RSF1: variants seen among roughly 807,000 people sequenced by gnomAD.
The protein encoded by RSF1 is remodeling and spacing factor 1, also known as HBV pX-associated protein 8.
In RSF1, 13 loss-of-function variants were observed where a neutral mutation model predicts 145.2. That is an observed-to-expected ratio of 0.09 (90% CI 0.06 to 0.14). RSF1 has a LOEUF of 0.14. Ranked by LOEUF, RSF1 falls within the 10% of genes least tolerant of loss-of-function variation. The pLI is 1.00. For synonymous variants in RSF1, 577 were observed against 592.6 expected (o/e 0.97, Z 0.38); for missense variants, 1,517 against 1,718.2 (o/e 0.88, Z 2.07).
chr11:77,698,823 C>T, intron 6 of RSF1, 130 bp from the exon 7 acceptor site: 1 of 716,018 alleles, frequency 1.4e-6, no homozygotes, highest in Non-Finnish European at 2.3e-6. Context: ...TTATTATAGT[C>T]TCATCATCAG....
intron 4 of RSF1, among the ~76,000 whole-genome samples, chr11:77,731,586 C>T (rs1015986858): frequency 2.0e-5 from 3 of 152,208 alleles, no homozygotes; most frequent in Admixed American, 6.5e-5. Context: ...GGCCTGGAGG[C>T]CTAGGAGGAA....
At chr11:77,708,912 C>T (rs1960614926) in intron 5 of RSF1, among the ~76,000 whole-genome samples, 1 of 152,120 alleles carries the variant, frequency 6.6e-6, no homozygotes, top group Admixed American at 6.5e-5. Context: ...GCTTCCCAAG[C>T]CATGAAGTCT....
the RSF1 span, among the ~76,000 whole-genome samples, chr11:77,852,437 T>C: frequency 6.6e-6 from 1 of 152,054 alleles, no homozygotes; most frequent in African/African-American, 2.4e-5. Flanking sequence ...GATTCAGAAT[T>C]CAAACTTCAA....
At chr11:77,831,140 GTC>G in the RSF1 span, among the ~76,000 whole-genome samples, 1 of 152,094 alleles carries the variant, frequency 6.6e-6, no homozygotes, top group East Asian at 1.9e-4. Context: ...GCAAGACCCT[GTC>G]TCAGAAAAAA....
chr11:77,788,754 C>A (rs1362664844), intron 1 of RSF1, among the ~76,000 whole-genome samples: 2 of 152,072 alleles, frequency 1.3e-5, no homozygotes, highest in East Asian at 1.9e-4. Context: ...AGTCTTAAAT[C>A]TATGACCAAA....
intron 1 of RSF1, among the ~76,000 whole-genome samples, chr11:77,808,468 C>T (rs1214276186): frequency 1.3e-5 from 2 of 150,390 alleles, no homozygotes; most frequent in African/African-American, 2.4e-5. Context: ...TTCAACTGTA[C>T]GTATGACTTG....
chr11:77,862,761 G>A, the RSF1 span, among the ~76,000 whole-genome samples: 1 of 152,278 alleles, frequency 6.6e-6, no homozygotes, highest in East Asian at 1.9e-4. Context: ...AAGAGGTCTA[G>A]GTGTAAGATG....
intron 1 of RSF1, among the ~76,000 whole-genome samples, chr11:77,778,352 C>A (rs1948369915): frequency 6.6e-6 from 1 of 151,804 alleles, no homozygotes; most frequent in South Asian, 2.1e-4. Flanking sequence ...GACTGGGTCC[C>A]TTGAAAACTC....
intron 6 of RSF1, among the ~76,000 whole-genome samples, chr11:77,700,186 A>G (rs1435736756): frequency 6.6e-6 from 1 of 151,898 alleles, no homozygotes; most frequent in Non-Finnish European, 1.5e-5. Flanking sequence ...ACCCACCTCT[A>G]TTAAAAATAC....
At chr11:77,703,507 A>G (rs1269234446) in intron 5 of RSF1, 2 of 152,220 alleles carry the variant, frequency 1.3e-5, no homozygotes, top group Admixed American at 6.5e-5. Context: ...AAATTTTGAA[A>G]TGATTCTCGT....
intron 5 of RSF1, among the ~76,000 whole-genome samples, chr11:77,705,870 A>C (rs370382827): frequency 1.3e-5 from 2 of 152,140 alleles, no homozygotes; most frequent in Non-Finnish European, 1.5e-5. Flanking sequence ...AACCAAAAAA[A>C]CAAAAAAACC....
At chr11:77,755,935 T>C (rs1948111429) in intron 2 of RSF1, among the ~76,000 whole-genome samples, 1 of 152,092 alleles carries the variant, frequency 6.6e-6, no homozygotes, top group Non-Finnish European at 1.5e-5. Flanking sequence ...TTGACAAAGT[T>C]TGAGACAAAG....
intron 1 of RSF1, among the ~76,000 whole-genome samples, chr11:77,794,804 T>C (rs1279305999): frequency 6.6e-6 from 1 of 152,136 alleles, no homozygotes; most frequent in Non-Finnish European, 1.5e-5. Context: ...AAGACAAGGA[T>C]GAATACTTTC....
upstream of RSF1, chr11:77,821,082 A>C: frequency 7.2e-5 from 32 of 446,872 alleles, no homozygotes; most frequent in East Asian, 7.2e-5. Context: ...ACAATGGCCA[A>C]TGGACGCAGA....
chr11:77,697,746 T>A (rs183760222), intron 7 of RSF1, among the ~76,000 whole-genome samples: 1 of 151,806 alleles, frequency 6.6e-6, no homozygotes, highest in East Asian at 1.9e-4. Flanking sequence ...TATATATTTA[T>A]AGGGTACATG....
chr11:77,713,706 C>A (rs1960741842), intron 5 of RSF1, among the ~76,000 whole-genome samples: 1 of 152,054 alleles, frequency 6.6e-6, no homozygotes, highest in African/African-American at 2.4e-5. Context: ...TTGTTTTTTA[C>A]AAATACCCTG....
rs574663774 is a variant in RSF1 at position 77,683,160 on chromosome 11, G to A, written c.3065+550C>T. On this transcript the variant is annotated intron_variant, in intron 11 of 15. Transcript: ENST00000308488. The stretch of plus-strand genomic sequence containing the variant: ...ACAAAAATTAGCTGGGCGTGGTGGC[G>A]GGCGCCTGTAGTCCCAGCTACGTGG... 4.6e-5 allele frequency among the ~76,000 whole-genome samples: 7 copies of A among 152,066 alleles called. No homozygotes were observed. The South Asian group carries it at 6.3e-4, about 14-fold the overall frequency.
chr11:77,837,443 T>TTTTG, the RSF1 span, among the ~76,000 whole-genome samples: 217 of 150,340 alleles, frequency 1.4e-3, no homozygotes, highest in African/African-American at 3.7e-3. Flanking sequence ...TCCCTTTGGT[T>TTTTG]TTTGTTTGTT....
chr11:77,724,558 A>G (rs1211185275), intron 5 of RSF1, among the ~76,000 whole-genome samples: 1 of 152,220 alleles, frequency 6.6e-6, no homozygotes. Context: ...ATTAAAAGGA[A>G]GAAAATTCTG....
Sources: allele counts gnomAD v4.1 joint callset (sites outside exome capture counted in the v4.1 genomes callset), GRCh38; gene constraint gnomAD v4.1.1; transcripts MANE v1.5; gene names NCBI Gene and HGNC (gene_info 2026-07-23, HGNC 2026-07-21).